Variants in HMCN2 observed in about 807,000 individuals in gnomAD.
HMCN2 encodes the protein hemicentin-2.
HMCN2 carries 325 observed loss-of-function variants against 377.5 expected under a neutral mutation model. The observed-to-expected ratio is 0.86, with a 90% CI of 0.79 to 0.94. The LOEUF (loss-of-function observed/expected upper bound fraction) is 0.94, where lower values mean the gene tolerates loss of function less well. Ranked by LOEUF, HMCN2 falls within the 40% of genes least tolerant of loss-of-function variation. The pLI is 0.00. For synonymous variants in HMCN2, 2,007 were observed against 2,046.8 expected, an observed-to-expected ratio of 0.98 and a Z score of 0.53; for missense variants, 4,543 against 4,725.3, an observed-to-expected ratio of 0.96 and a Z score of 1.13.
At chr9:130,370,843 T>C in intron 45 of HMCN2, 121 bp from the exon 46 acceptor site, 1 of 523,498 alleles carries the variant, frequency 1.9e-6, no homozygotes, top group Non-Finnish European at 2.5e-6. Context: ...CTCTCGTCAC[T>C]TCTGCTCCTC....
chr9:130,344,189 G>C (rs915537706), intron 25 of HMCN2, among the ~76,000 whole-genome samples: 1 of 152,188 alleles, frequency 6.6e-6, no homozygotes, highest in East Asian at 1.9e-4. Flanking sequence ...CCTGGCCCCC[G>C]GCGTGGCGGG....
intron 4 of HMCN2, among the ~76,000 whole-genome samples, chr9:130,293,071 T>C (rs1835891127): frequency 6.6e-6 from 1 of 152,244 alleles, no homozygotes; most frequent in African/African-American, 2.4e-5. Flanking sequence ...TATACTGATA[T>C]TTCCAATTCA....
intron 54 of HMCN2, among the ~76,000 whole-genome samples, chr9:130,381,419 A>G (rs1238255894): frequency 1.3e-5 from 2 of 151,726 alleles, no homozygotes; most frequent in East Asian, 1.9e-4. Context: ...TGCCCAGGCT[A>G]CAGTGCAGTG....
intron 74 of HMCN2, among the ~76,000 whole-genome samples, chr9:130,397,930 T>C (rs1842683882): frequency 6.6e-6 from 1 of 151,934 alleles, no homozygotes; most frequent in Admixed American, 6.6e-5. Flanking sequence ...GGAGGATCAC[T>C]TGATCCCAGG....
chr9:130,362,850 T>C lies in HMCN2; in HGVS notation c.6109-17T>C. 1 of 985,874 alleles carries C rather than the reference T, an allele frequency of 1.0e-6. No homozygotes were observed. The highest frequency in any genetic ancestry group is 1.2e-6 in the Non-Finnish European group (1 of 829,956). 61.1% of individuals were successfully genotyped at this position (985,874 alleles called of 1,614,324 possible). On this transcript the variant is annotated splice_polypyrimidine_tract_variant and intron_variant, in intron 39 of 97. Coordinates refer to ENST00000683500, the MANE Select transcript of HMCN2 (RefSeq NM_001291815.2). Reference sequence around the variant, plus strand: ...GCAGGACAGTTGCCTAATTTGGGCTTCCCCCTGGGGTCACAGGTCTTCCCT... The same window carrying C: ...GCAGGACAGTTGCCTAATTTGGGCTCCCCCCTGGGGTCACAGGTCTTCCCT...
At chr9:130,397,852 C>T (rs1288642326) in intron 74 of HMCN2, among the ~76,000 whole-genome samples, 197 bp downstream of exon 74, 1 of 152,082 alleles carries the variant, frequency 6.6e-6, no homozygotes, top group Non-Finnish European at 1.5e-5. Flanking sequence ...TATTACGTAA[C>T]AGAACAGCGA....
intron 31 of HMCN2, among the ~76,000 whole-genome samples, chr9:130,354,134 T>C (rs539376191): frequency 6.6e-6 from 1 of 152,276 alleles, no homozygotes; most frequent in South Asian, 2.1e-4. Flanking sequence ...TACACCCAAA[T>C]AAGGTTAAGA....
At chr9:130,348,952 C>A in intron 27 of HMCN2, 32 bp from the exon 28 acceptor site, 1 of 1,297,442 alleles carries the variant, frequency 7.7e-7, no homozygotes, top group Non-Finnish European at 1.0e-6. Context: ...TGGATCCCCT[C>A]TTACTGGCTC....
At chr9:130,371,982 G>A (rs975939390) in intron 46 of HMCN2, among the ~76,000 whole-genome samples, 6 of 152,196 alleles carry the variant, frequency 3.9e-5, no homozygotes, top group African/African-American at 1.4e-4. Context: ...GCTGGGCCAG[G>A]ACTACATAAC....
Position 130,394,386 on chromosome 9 carries a change from G to GC in HMCN2, c.10508dup (p.His3504SerfsTer3), listed in dbSNP as rs1213171850. ...GTTCCCCTCCATGGTGGCTTGCAGA[G>GC]CCCCCTCACATTGAGGACTCAGGCC... On this transcript the variant is annotated frameshift_variant and splice_region_variant, in exon 69 of 98. Coordinates refer to ENST00000683500, the MANE Select transcript of HMCN2 (RefSeq NM_001291815.2). LOFTEE classifies it high-confidence loss of function. The surrounding 1 kb of genome is among the most constrained non-coding windows in gnomAD (Gnocchi z 5.1). The GC allele has an allele frequency of 7.8e-7, 1 of 1,288,816 alleles. No individual in the cohort carries two copies. Among genetic ancestry groups the GC allele is most frequent in the East Asian group, 5.6e-5 (1 of 18,008 alleles). The allele number at this position is 1,288,816 out of a possible 1,614,324, so 79.8% of individuals were successfully genotyped here.
In HMCN2 at chr9:130,302,891, T is replaced by C. The variant is rs1343058359; in HGVS notation, c.1311T>C (p.His437=). The C allele has an allele frequency of 6.4e-6, 3 of 470,132 alleles. No individual in the cohort carries two copies. Among genetic ancestry groups the C allele is most frequent in the Non-Finnish European group, 1.3e-5 (3 of 226,484 alleles). 29.1% of individuals were successfully genotyped at this position (470,132 alleles called of 1,614,324 possible). ...TCGTCAGCATGGCCCCCAGGATCCA[T>C]GGCTACCTGCACCAGCCCCTGCTGG... ...APLVSMAPRI[H]GYLHQPLLVS... is the part of the protein sequence containing the mutation. Residue 437 remains histidine (H), a synonymous_variant, in exon 9 of 98, where the codon CAT becomes CAC. Coordinates refer to ENST00000683500, the MANE Select transcript of HMCN2 (RefSeq NM_001291815.2).
intron 13 of HMCN2, 58 bp from the exon 14 acceptor site, chr9:130,307,395 G>A: frequency 2.1e-6 from 1 of 467,700 alleles, no homozygotes; most frequent in Admixed American, 2.3e-5. Flanking sequence ...AGCCGTGGAA[G>A]ACTTTCTTTA....
chr9:130,320,877 A>G lies in HMCN2; in HGVS notation c.2749A>G (p.Arg917Gly), dbSNP rs1837815767. Residue 917 changes from arginine (R) to glycine (G), a missense_variant, in exon 18 of 98, where the codon AGG becomes GGG. Physicochemically the swap from Arg to Gly is moderately radical, Grantham distance 125. Transcript: ENST00000683500. ...IVLAGRPLPE[R>G]HWLKDGRPLP... ...CCTAGCTGGGCGGCCCCTCCCGGAA[A>G]GGCACTGGCTCAAGGACGGCCGGCC... 1 of 152,214 alleles carries G rather than the reference A, an allele frequency of 6.6e-6. No homozygotes were observed. Among genetic ancestry groups the G allele is most frequent in the East Asian group, 1.9e-4 (1 of 5,164 alleles). 9.4% of individuals were successfully genotyped at this position (152,214 alleles called of 1,614,324 possible).
At chr9:130,421,454 C>T (rs1236943184) in intron 86 of HMCN2, among the ~76,000 whole-genome samples, 1 of 152,108 alleles carries the variant, frequency 6.6e-6, no homozygotes, top group Non-Finnish European at 1.5e-5. Context: ...CCCCATCAGC[C>T]TGGCAGGTCC....
chr9:130,384,478 C>G lies in HMCN2; in HGVS notation c.8936C>G (p.Thr2979Arg). 1 of 1,304,296 alleles carries G rather than the reference C, an allele frequency of 7.7e-7. No individual in the cohort carries two copies. Among genetic ancestry groups the G allele is most frequent in the Non-Finnish European group, 1.0e-6 (1 of 988,970 alleles). The allele number at this position is 1,304,296 out of a possible 1,614,324, so 80.8% of individuals were successfully genotyped here. Residue 2979 changes from threonine (T) to arginine (R), a missense_variant, in exon 58 of 98, where the codon ACG becomes AGG. Transcript: ENST00000683500. Reference protein sequence around the residue: ...DVHAHPNPEVTWYKDSQALSL... With the variant: ...DVHAHPNPEVRWYKDSQALSL... ...CACGCTCACCCAAACCCCGAGGTCACGTGGTACAAGGACAGCCAGGCCCTC... is the reference window on the plus strand; with the variant it reads ...CACGCTCACCCAAACCCCGAGGTCAGGTGGTACAAGGACAGCCAGGCCCTC...
Position 130,369,881 on chromosome 9 carries a change from G to C in HMCN2, c.7069+30G>C. 3.0e-6 allele frequency: 3 copies of C among 985,594 alleles called. No individual in the cohort carries two copies. Among genetic ancestry groups the C allele is most frequent in the Non-Finnish European group, 3.6e-6 (3 of 830,036 alleles). 61.1% of individuals were successfully genotyped at this position (985,594 alleles called of 1,614,324 possible). A position where few individuals can be genotyped will look rare whatever the true frequency, so the allele number is the denominator to read the frequency against. On this transcript the variant is annotated intron_variant, in intron 45 of 97. Coordinates refer to ENST00000683500, the MANE Select transcript of HMCN2 (RefSeq NM_001291815.2). The surrounding 1 kb of genome is among the most constrained non-coding windows in gnomAD (Gnocchi z 4.5). ...GGACCGGCAGCTGCTGGAGGAGTTGGGCTGGGGCAGATTAGAGTGGGCAAG... is the reference window on the plus strand; with the variant it reads ...GGACCGGCAGCTGCTGGAGGAGTTGCGCTGGGGCAGATTAGAGTGGGCAAG...
intron 4 of HMCN2, among the ~76,000 whole-genome samples, chr9:130,290,274 C>T (rs1438900682): frequency 6.6e-6 from 1 of 152,190 alleles, no homozygotes; most frequent in Non-Finnish European, 1.5e-5. Context: ...GAGGGTCAGC[C>T]CCCCAACTCC....
Position 130,431,210 on chromosome 9 carries a change from C to G in HMCN2, c.14648-157C>G, listed in dbSNP as rs1470463762. 9.3e-6 allele frequency: 7 copies of G among 749,788 alleles called. No individual in the cohort carries two copies. The Admixed American group carries it at 1.3e-4, about 14-fold the overall frequency. The allele number at this position is 749,788 out of a possible 1,614,324, so 46.4% of individuals were successfully genotyped here. On this transcript the variant is annotated intron_variant, in intron 95 of 97. Transcript: ENST00000683500. The stretch of plus-strand genomic sequence containing the variant: ...CCTCTCAGCAAGCACAGGGACTCCC[C>G]CAACCCCTGAACCTGGGCTGGGAGG...
intron 15 of HMCN2, among the ~76,000 whole-genome samples, chr9:130,313,235 G>T (rs966920744): frequency 6.6e-6 from 1 of 151,842 alleles, no homozygotes; most frequent in African/African-American, 2.4e-5. Flanking sequence ...ACTGGCAGAG[G>T]TCAGGAATGG....
Sources: gnomAD v4.1 joint callset for allele counts (sites outside exome capture counted in the v4.1 genomes callset) on GRCh38, gnomAD v4.1.1 for gene constraint, Gnocchi (gnomAD v3.1) non-coding constraint, MANE v1.5 for transcripts, NCBI Gene and HGNC (gene_info 2026-07-23, HGNC 2026-07-21) for gene names.